Variants in ANK2 observed in about 807,000 individuals in gnomAD.
ANK2 encodes the protein ankyrin 2, also known as ankyrin-2.
In ANK2, 83 loss-of-function variants were observed where a neutral mutation model predicts 360.5. The observed-to-expected ratio is 0.23, with a 90% CI of 0.19 to 0.28. ANK2 has a LOEUF of 0.28. ANK2 is among the 10% of genes least tolerant of loss of function. The probability of loss-of-function intolerance (pLI) is 1.00; values close to 1 mark genes in which losing one functional copy is unlikely to be tolerated. For synonymous variants in ANK2, 1,740 were observed against 1,759.5 expected, an observed-to-expected ratio of 0.99 and a Z score of 0.28; for missense variants, 4,201 against 4,795.7, an observed-to-expected ratio of 0.88 and a Z score of 3.66.
At chr4:113,044,196 G>T (rs536577473) in intron 2 of ANK2, among the ~76,000 whole-genome samples, 1 of 152,016 alleles carries the variant, frequency 6.6e-6, no homozygotes, top group Non-Finnish European at 1.5e-5. Flanking sequence ...GATTAAACTC[G>T]CATGAGAAAA....
At chr4:113,302,661 C>T (rs1172448362) in intron 22 of ANK2, 106 bp from the exon 23 acceptor site, 2 of 864,162 alleles carry the variant, frequency 2.3e-6, no homozygotes, top group African/African-American at 3.3e-5. Context: ...GTAGTCATGG[C>T]TCGATGGCTT....
chr4:113,097,867 T>TATATATATATATATAC (rs1491510127), intron 1 of ANK2, among the ~76,000 whole-genome samples: 3 of 110,606 alleles, frequency 2.7e-5, no homozygotes, highest in African/African-American at 1.2e-4. Context: ...TGTGTGTGTG[T>TATATATATATATATAC]ATATATATGC....
intron 1 of ANK2, among the ~76,000 whole-genome samples, chr4:112,861,869 A>AGAGAGAGAGAGAGAGAGAGAGAGAGAG (rs773734914): frequency 2.9e-5 from 2 of 69,206 alleles, no homozygotes; most frequent in African/African-American, 1.1e-4. Flanking sequence ...GAGAGAGAGA[A>AGAGAGAGAGAGAGAGAGAGAGAGAGAG]ACTCTCACAG....
At chr4:113,226,524 G>A (rs899142325) in intron 4 of ANK2, among the ~76,000 whole-genome samples, 1 of 152,030 alleles carries the variant, frequency 6.6e-6, no homozygotes, top group African/African-American at 2.4e-5. Context: ...TCTTTCATCT[G>A]TGTTCTCTTT....
chr4:113,159,191 C>CACACA (rs372222957), intron 1 of ANK2, among the ~76,000 whole-genome samples: 11 of 142,034 alleles, frequency 7.7e-5, no homozygotes, highest in South Asian at 4.7e-4. Context: ...CTCTTTCCTT[C>CACACA]CACACACACA....
chr4:113,205,689 A>G (rs1584829134), intron 4 of ANK2, among the ~76,000 whole-genome samples: 3 of 152,164 alleles, frequency 2.0e-5, no homozygotes, highest in Admixed American at 2.0e-4. Context: ...ATGGGGGTGC[A>G]TGCACCCACT....
Position 113,249,696 on chromosome 4 carries a change from G to T in ANK2, c.892-68G>T, listed in dbSNP as rs184051547. The T allele has an allele frequency of 4.3e-4, 623 of 1,442,836 alleles. 5 individuals carry two copies. In the African/African-American group the frequency reaches 7.5e-3, roughly 17 times the overall value. 89.4% of individuals were successfully genotyped at this position (1,442,836 alleles called of 1,614,324 possible). ...TGAGTTTAGGAACTCCCTCTTTATG[G>T]TTGCAATAGATGAAATATAGATTTT... is the stretch of plus-strand genomic sequence containing the variant. On this transcript the variant is annotated intron_variant, in intron 9 of 45. Coordinates refer to ENST00000357077, the MANE Select transcript of ANK2 (RefSeq NM_001148.6).
intron 1 of ANK2, among the ~76,000 whole-genome samples, chr4:113,081,575 A>G (rs927280853): frequency 6.6e-6 from 1 of 152,174 alleles, no homozygotes; most frequent in Non-Finnish European, 1.5e-5. Context: ...TTCCTGGGGA[A>G]AATTTTGCTG....
In ANK2 at chr4:113,349,540, C is replaced by T. The variant is rs571063875; in HGVS notation, c.4405-688C>T. Among the ~76,000 whole-genome samples the T allele has an allele frequency of 9.5e-4, 145 of 152,122 alleles. 1 individual carries two copies. The highest frequency in any genetic ancestry group is 1.8e-3 in the Non-Finnish European group (119 of 67,982). Reference sequence around the variant, plus strand: ...GGTGACTATAGAAGCACTGTCCTGCCGCACATAGCCATATACACAATCAAC... The same window carrying T: ...GGTGACTATAGAAGCACTGTCCTGCTGCACATAGCCATATACACAATCAAC... On this transcript the variant is annotated intron_variant, in intron 36 of 45. Transcript: ENST00000357077.
chr4:113,305,304 C>G (rs999800470), intron 23 of ANK2, among the ~76,000 whole-genome samples: 6 of 134,874 alleles, frequency 4.4e-5, no homozygotes, highest in African/African-American at 1.7e-4. Flanking sequence ...CCCGCCACTG[C>G]ACTCCAGCCT....
intron 2 of ANK2, among the ~76,000 whole-genome samples, chr4:112,991,762 C>T (rs1187886722): frequency 6.6e-6 from 1 of 151,908 alleles, no homozygotes; most frequent in African/African-American, 2.4e-5. Context: ...AATGAAGCTG[C>T]TCCTTCAATA....
At chr4:113,360,299 C>A (rs79970547) in intron 38 of ANK2, among the ~76,000 whole-genome samples, 2 of 152,296 alleles carry the variant, frequency 1.3e-5, no homozygotes, top group Non-Finnish European at 2.9e-5. Flanking sequence ...TCCAAGGTCA[C>A]CAGGACCAAA....
chr4:113,193,768 C>T (rs1266245086), intron 2 of ANK2, among the ~76,000 whole-genome samples: 1 of 152,178 alleles, frequency 6.6e-6, no homozygotes, highest in Admixed American at 6.5e-5. Context: ...TTCACAATTA[C>T]TGCCTTTGGA....
chr4:113,293,330 C>G, intron 21 of ANK2, 110 bp from the exon 22 acceptor site: 1 of 957,960 alleles, frequency 1.0e-6, no homozygotes, highest in Non-Finnish European at 1.6e-6. Context: ...TAAGCTGTGC[C>G]TTGTTTTGGA....
chr4:113,049,890 C>A, intron 1 of ANK2, 78 bp downstream of exon 1: 1 of 1,524,610 alleles, frequency 6.6e-7, no homozygotes, highest in Non-Finnish European at 9.0e-7. Context: ...ATCAGCAAGG[C>A]TATGGAAACC....
rs2154287934 is a variant in ANK2, at chr4:113,003,162, A to C, written c.21+98648A>C. On this transcript the variant is annotated intron_variant, in intron 2 of 30. Transcript: ENST00000503271. ...TGTAATTCTTTATAACCCCAATTGC[A>C]ACAGCAATAGAAAAAGTAAGATCCA... Among the ~76,000 whole-genome samples, 4 of 152,326 alleles carry C rather than the reference A, an allele frequency of 2.6e-5. No homozygotes were observed. In the South Asian group the frequency reaches 8.3e-4, roughly 32 times the overall value.
At chr4:112,864,895 G>A (rs1392566779) in intron 1 of ANK2, among the ~76,000 whole-genome samples, 3 of 151,476 alleles carry the variant, frequency 2.0e-5, no homozygotes, top group Admixed American at 1.3e-4. Flanking sequence ...AGCTGGGCGT[G>A]GTGGTGGGCG....
rs371540452 is a variant in ANK2 at position 113,356,279 on chromosome 4, C to T, written c.7661C>T (p.Thr2554Ile). The T allele has an allele frequency of 6.2e-7, 1 of 1,614,080 alleles. No individual in the cohort carries two copies. The highest frequency in any genetic ancestry group is 1.3e-5 in the African/African-American group (1 of 75,020). ...EEVSYEVTPKTTDVSTPKPAV... is the reference protein window; with the variant it reads ...EEVSYEVTPKITDVSTPKPAV... ...GTCAGCTATGAGGTTACACCCAAAA[C>T]CACAGATGTAAGTACACCAAAACCA... The change falls in exon 38 of 46, where the codon ACC becomes ATC. Residue 2554 changes from threonine to isoleucine, a missense_variant. Physicochemically the swap from Thr to Ile is moderately conservative, Grantham distance 89 (BLOSUM62 -1). Transcript: ENST00000357077.
intron 2 of ANK2, among the ~76,000 whole-genome samples, chr4:112,956,897 A>G (rs577600629): frequency 6.6e-6 from 1 of 152,030 alleles, no homozygotes; most frequent in Admixed American, 6.5e-5. Context: ...ATTCAACTTA[A>G]TGTAAGGTTA....
Sources: gnomAD v4.1 joint callset for allele counts (sites outside exome capture counted in the v4.1 genomes callset) on GRCh38, gnomAD v4.1.1 for gene constraint, MANE v1.5 for transcripts, NCBI Gene and HGNC (gene_info 2026-07-23, HGNC 2026-07-21) for gene names.